Variants in CSMD1 observed in about 807,000 individuals in gnomAD.
CSMD1 encodes CUB and sushi domain-containing protein 1.
CSMD1 carries 213 observed loss-of-function variants against 417.5 expected under a neutral mutation model. The ratio of observed to expected loss-of-function variants is 0.51; its 90% CI spans 0.46 to 0.57. The LOEUF is 0.57. Among genes scored for constraint, CSMD1 ranks in the 20% least tolerant of loss-of-function variants. The probability of loss-of-function intolerance (pLI) is 0.00; values close to 1 mark genes in which losing one functional copy is unlikely to be tolerated. For missense variants in CSMD1, 6,923 were observed against 4,529.7 expected, an observed-to-expected ratio of 1.53 and a Z score of -15.17; for synonymous variants, 2,862 against 1,736.8, an observed-to-expected ratio of 1.65 and a Z score of -16.11.
At chr8:4,311,133 G>A (rs563402506) in intron 3 of CSMD1, among the ~76,000 whole-genome samples, 13 of 152,226 alleles carry the variant, frequency 8.5e-5, no homozygotes, top group African/African-American at 3.1e-4. Flanking sequence ...ACTCAACCCA[G>A]CAATACCGTG....
intron 21 of CSMD1, among the ~76,000 whole-genome samples, chr8:3,356,545 T>G (rs994578308): frequency 1.2e-4 from 19 of 152,186 alleles, no homozygotes; most frequent in Non-Finnish European, 1.8e-4. Flanking sequence ...CGTGGTGGCA[T>G]GTGCCTGTAG....
Position 3,493,628 on chromosome 8 carries a change from C to G in CSMD1, c.1443G>C (p.Leu481Phe). 6.2e-7 allele frequency: 1 copy of G among 1,608,502 alleles called. No individual in the cohort carries two copies. The highest frequency in any genetic ancestry group is 8.5e-7 in the Non-Finnish European group (1 of 1,177,386). ...AGKVGDTRSVLYVLTGSSVPD... is the reference protein window; with the variant it reads ...AGKVGDTRSVFYVLTGSSVPD... ...AAGCTCAAGGACATACTCACACGTA[C>G]AAGACCGATCTGGTGTCTCCCACCT... is the stretch of plus-strand genomic sequence containing the variant. The change falls in exon 11 of 70, where the codon TTG (leucine) becomes TTC (phenylalanine). Residue 481 changes from leucine to phenylalanine, a missense_variant. Transcript: ENST00000635120.
At chr8:4,374,793 C>G (rs1042663663) in intron 3 of CSMD1, among the ~76,000 whole-genome samples, 4 of 151,854 alleles carry the variant, frequency 2.6e-5, no homozygotes, top group African/African-American at 9.7e-5. Flanking sequence ...CTAGGATGGC[C>G]CAGGAGAGGA....
intron 16 of CSMD1, 76 bp downstream of exon 16, chr8:3,399,315 G>C (rs779084407): frequency 2.3e-4 from 314 of 1,380,224 alleles, no homozygotes; most frequent in Non-Finnish European, 2.9e-4. Context: ...TCTTTTTAAA[G>C]TTTAAGATCC....
intron 7 of CSMD1, among the ~76,000 whole-genome samples, chr8:3,706,356 T>C (rs924007293): frequency 2.0e-5 from 3 of 152,240 alleles, no homozygotes; most frequent in African/African-American, 7.2e-5. Flanking sequence ...CTATGTCCTT[T>C]CATCAGTGAA....
intron 25 of CSMD1, among the ~76,000 whole-genome samples, chr8:3,292,501 C>A (rs541003457): frequency 6.6e-6 from 1 of 152,204 alleles, no homozygotes. Flanking sequence ...CTTCAAGAAT[C>A]TGCGTGCTCC....
At chr8:4,905,197 A>T (rs1384202036) in intron 1 of CSMD1, among the ~76,000 whole-genome samples, 1 of 152,076 alleles carries the variant, frequency 6.6e-6, no homozygotes, top group Non-Finnish European at 1.5e-5. Context: ...GTTATATTTG[A>T]TATCTCATCT....
At chr8:4,977,110 A>G (rs1271340501) in intron 1 of CSMD1, among the ~76,000 whole-genome samples, 6 of 152,194 alleles carry the variant, frequency 3.9e-5, no homozygotes, top group Non-Finnish European at 7.3e-5. Flanking sequence ...GAGCACATTT[A>G]TATCAACAGC....
chr8:4,408,259 A>T (rs773234907), intron 3 of CSMD1, among the ~76,000 whole-genome samples: 1 of 152,262 alleles, frequency 6.6e-6, no homozygotes, highest in East Asian at 1.9e-4. Flanking sequence ...TCCTCAGAGG[A>T]TATGAAAGAA....
At chr8:3,082,946 T>G (rs1403163393) in intron 49 of CSMD1, among the ~76,000 whole-genome samples, 1 of 152,176 alleles carries the variant, frequency 6.6e-6, no homozygotes, top group Non-Finnish European at 1.5e-5. Context: ...AATAAAATCA[T>G]GAAAACTTCT....
At chr8:3,759,304 C>T (rs866171626) in intron 5 of CSMD1, among the ~76,000 whole-genome samples, 1 of 151,938 alleles carries the variant, frequency 6.6e-6, no homozygotes, top group Non-Finnish European at 1.5e-5. Context: ...CTAGAATGAT[C>T]CTGAGGAAAA....
At position 3,289,716 on chromosome 8, in the gene CSMD1, C is replaced by T. The variant is rs181647497; in HGVS notation, c.3951-5370G>A. The stretch of plus-strand genomic sequence containing the variant: ...AATTTGTTGGAGTTCATTGTAGATT[C>T]TGGATATTAGCCCTTTGTCAGATGA... On this transcript the variant is annotated intron_variant, in intron 25 of 69. Transcript: ENST00000635120. 9.2e-4 allele frequency among the ~76,000 whole-genome samples: 135 copies of T among 147,194 alleles called. 24 individuals are homozygous for T. Among genetic ancestry groups the T allele is most frequent in the African/African-American group, 3.4e-3 (127 of 37,060 alleles).
At chr8:4,455,282 T>C (rs1004020924) in intron 2 of CSMD1, among the ~76,000 whole-genome samples, 2 of 152,166 alleles carry the variant, frequency 1.3e-5, no homozygotes, top group Admixed American at 1.3e-4. Flanking sequence ...AAGGAGAACT[T>C]CATGATGGAT....
Position 2,960,341 on chromosome 8 carries a change from C to A in CSMD1, c.9702+800G>T, listed in dbSNP as rs575783128. The stretch of plus-strand genomic sequence containing the variant: ...AGGAAATGGCCACTCTGTGTCCGAG[C>A]GAGAACAATGGGAATATTTTCGTGC... On this transcript the variant is annotated intron_variant, in intron 62 of 69. Transcript: ENST00000635120. 5.9e-5 allele frequency among the ~76,000 whole-genome samples: 9 copies of A among 152,132 alleles called. No homozygotes were observed. The East Asian group carries it at 9.6e-4, about 16-fold the overall frequency.
intron 3 of CSMD1, among the ~76,000 whole-genome samples, chr8:4,235,631 T>C (rs910075843): frequency 6.6e-6 from 1 of 152,200 alleles, no homozygotes; most frequent in Non-Finnish European, 1.5e-5. Flanking sequence ...CTCAACTTAC[T>C]GAGGACCTGA....
intron 3 of CSMD1, among the ~76,000 whole-genome samples, chr8:4,316,729 G>T (rs950733543): frequency 6.6e-6 from 1 of 152,000 alleles, no homozygotes; most frequent in Non-Finnish European, 1.5e-5. Flanking sequence ...TTTTCAGAAC[G>T]ATAGTTAAAT....
At chr8:3,864,345 A>G (rs545059103) in intron 5 of CSMD1, among the ~76,000 whole-genome samples, 1 of 128,812 alleles carries the variant, frequency 7.8e-6, no homozygotes, top group East Asian at 2.2e-4. Flanking sequence ...AAGACGATGC[A>G]TAGATAACCA....
chr8:4,661,613 T>A (rs1028016555), intron 1 of CSMD1, among the ~76,000 whole-genome samples: 2 of 152,268 alleles, frequency 1.3e-5, no homozygotes, highest in Non-Finnish European at 2.9e-5. Context: ...TTTCCTGGCT[T>A]TGCAAGATGT....
chr8:4,699,903 T>C (rs1807407362), intron 1 of CSMD1, among the ~76,000 whole-genome samples: 1 of 152,184 alleles, frequency 6.6e-6, no homozygotes, highest in Non-Finnish European at 1.5e-5. Flanking sequence ...TGGAATCCTT[T>C]GGAAGATTAA....
Sources: allele counts gnomAD v4.1 joint callset (sites outside exome capture counted in the v4.1 genomes callset), GRCh38; gene constraint gnomAD v4.1.1; transcripts MANE v1.5; gene names NCBI Gene and HGNC (gene_info 2026-07-23, HGNC 2026-07-21).